CCDC171: variants seen among roughly 807,000 people sequenced by gnomAD.
CCDC171 encodes coiled-coil domain-containing protein 171.
CCDC171 carries 177 observed loss-of-function variants against 168.2 expected under a neutral mutation model. That is an observed-to-expected ratio of 1.05 (90% confidence interval 0.93 to 1.19). The LOEUF (loss-of-function observed/expected upper bound fraction) is 1.19. Among genes scored for constraint, CCDC171 ranks in the 50% most tolerant of loss-of-function variants. The pLI, the probability that CCDC171 is intolerant of heterozygous loss-of-function variation, is 0.00. For synonymous variants in CCDC171, 687 were observed against 540.8 expected, an observed-to-expected ratio of 1.27 and a Z score of -3.75; for missense variants, 1,991 against 1,539.0, an observed-to-expected ratio of 1.29 and a Z score of -4.91.
rs184159989 is a variant in CCDC171, at chr9:15,865,742, C to T, written c.3469-8790C>T. Among the ~76,000 whole-genome samples the T allele has an allele frequency of 3.6e-4, 55 of 151,820 alleles. 1 individual carries two copies. Among genetic ancestry groups the T allele is most frequent in the African/African-American group, 1.3e-3 (52 of 41,428 alleles). ...TATCAGTAAGGCTTCCAATAGTAGA[C>T]TGTTTGTAGTTAAGTTTTGGGGGAG... On this transcript the variant is annotated intron_variant, in intron 23 of 25. Transcript: ENST00000380701.
intron 24 of CCDC171, among the ~76,000 whole-genome samples, chr9:15,897,743 A>C (rs74461647): frequency 0.022 from 3,371 of 152,294 alleles, 132 homozygotes; most frequent in African/African-American, 0.077. Context: ...TGTTATATGA[A>C]TGTTGTAATA....
chr9:16,021,156 C>T (rs548519638), intron 4 of CCDC171, among the ~76,000 whole-genome samples: 8 of 152,302 alleles, frequency 5.3e-5, no homozygotes, highest in South Asian at 2.1e-4. Flanking sequence ...GGCGTGATCT[C>T]GGCGCACTGC....
chr9:15,623,467 G>GCA (rs1403216118), intron 7 of CCDC171, 54 bp downstream of exon 7: 14 of 587,382 alleles, frequency 2.4e-5, no homozygotes, highest in South Asian at 6.2e-5. Context: ...TCACATATGC[G>GCA]CGCGCGCGCA....
intron 11 of CCDC171, among the ~76,000 whole-genome samples, chr9:15,710,415 G>T (rs1258288024): frequency 1.3e-5 from 2 of 151,854 alleles, no homozygotes; most frequent in South Asian, 4.2e-4. Flanking sequence ...CCACTCTCCT[G>T]CCTCAGCCTC....
At chr9:15,559,079 T>G (rs1029685257) in intron 1 of CCDC171, among the ~76,000 whole-genome samples, 1 of 152,188 alleles carries the variant, frequency 6.6e-6, no homozygotes, top group African/African-American at 2.4e-5. Context: ...GTAGTTTGAT[T>G]GCAGTGTGGT....
chr9:15,632,199 G>C (rs1299780405), intron 7 of CCDC171, among the ~76,000 whole-genome samples: 1 of 144,664 alleles, frequency 6.9e-6, no homozygotes, highest in Non-Finnish European at 1.5e-5. Context: ...GGAAATAAAG[G>C]GTATTCAGTT....
intron 25 of CCDC171, among the ~76,000 whole-genome samples, chr9:15,936,119 G>A (rs1827083210): frequency 6.6e-6 from 1 of 152,050 alleles, no homozygotes. Context: ...CACAAGACTA[G>A]TGTTCCAGTG....
intron 7 of CCDC171, 71 bp from the exon 8 acceptor site, chr9:15,657,056 C>A: frequency 2.6e-6 from 2 of 758,126 alleles, no homozygotes; most frequent in Non-Finnish European, 4.1e-6. Context: ...AATTATAATG[C>A]TGGACTGTAG....
At chr9:15,995,662 T>C (rs1200404243) in intron 3 of CCDC171, among the ~76,000 whole-genome samples, 2 of 152,250 alleles carry the variant, frequency 1.3e-5, no homozygotes, top group African/African-American at 4.8e-5. Context: ...TAATCAGTGA[T>C]GACCTTGACA....
intron 9 of CCDC171, among the ~76,000 whole-genome samples, chr9:15,671,325 GA>G (rs1189625375): frequency 6.6e-6 from 1 of 151,800 alleles, no homozygotes; most frequent in Non-Finnish European, 1.5e-5. Flanking sequence ...TTCCAGTCTG[GA>G]AAAGTTTTTT....
intron 3 of CCDC171, among the ~76,000 whole-genome samples, chr9:16,014,728 C>A (rs961844734): frequency 6.6e-6 from 1 of 152,110 alleles, no homozygotes; most frequent in African/African-American, 2.4e-5. Context: ...TGACTAGGTG[C>A]ATTGTCAATA....
chr9:16,041,474 C>G (rs963277285), upstream of CCDC171, among the ~76,000 whole-genome samples: 2 of 152,122 alleles, frequency 1.3e-5, no homozygotes, highest in African/African-American at 4.8e-5. Context: ...GGCGAAGAAG[C>G]TGGGGTTTTT....
chr9:15,997,464 G>C (rs1391907697), intron 3 of CCDC171, among the ~76,000 whole-genome samples: 1 of 152,164 alleles, frequency 6.6e-6, no homozygotes, highest in African/African-American at 2.4e-5. Flanking sequence ...AGGGAGTTCA[G>C]AGTGGACCAC....
chr9:15,714,054 T>C (rs1255847215), intron 11 of CCDC171, among the ~76,000 whole-genome samples: 1 of 152,170 alleles, frequency 6.6e-6, no homozygotes, highest in Non-Finnish European at 1.5e-5. Context: ...GCATATTTAA[T>C]TGCAGCAGCA....
chr9:16,037,244 C>T (rs1329673211), intron 8 of CCDC171, among the ~76,000 whole-genome samples: 3 of 152,086 alleles, frequency 2.0e-5, no homozygotes, highest in Non-Finnish European at 2.9e-5. Flanking sequence ...ATGAAAATGC[C>T]ACTCTGTACC....
At chr9:15,793,003 G>T (rs1398985532) in intron 21 of CCDC171, among the ~76,000 whole-genome samples, 1 of 152,130 alleles carries the variant, frequency 6.6e-6, no homozygotes, top group South Asian at 2.1e-4. Flanking sequence ...TGGGCTAAAT[G>T]CTCCAATTAA....
intron 6 of CCDC171, among the ~76,000 whole-genome samples, chr9:15,595,195 C>T (rs558189302): frequency 8.6e-5 from 13 of 151,832 alleles, no homozygotes; most frequent in African/African-American, 1.2e-4. Context: ...ATGTGCACAG[C>T]GTGCAGGTTT....
chr9:15,677,997 A>T (rs1250715555), intron 9 of CCDC171, among the ~76,000 whole-genome samples: 1 of 139,360 alleles, frequency 7.2e-6, no homozygotes, highest in Admixed American at 7.6e-5. Flanking sequence ...GCAACCTTGA[A>T]CTCCTGGGCT....
At chr9:16,060,118 T>G (rs1228200962) in intron 1 of CCDC171, among the ~76,000 whole-genome samples, 3 of 152,200 alleles carry the variant, frequency 2.0e-5, no homozygotes, top group Non-Finnish European at 4.4e-5. Flanking sequence ...TTTAATTGTG[T>G]ATTAGTTTTT....
Sources: allele counts gnomAD v4.1 joint callset (sites outside exome capture counted in the v4.1 genomes callset), GRCh38; gene constraint gnomAD v4.1.1; transcripts MANE v1.5; gene names NCBI Gene and HGNC (gene_info 2026-07-23, HGNC 2026-07-21).